The following ADAMTS12 variants were observed in gnomAD, a reference collection of about 807,000 sequenced individuals.
ADAMTS12 encodes the protein ADAM metallopeptidase with thrombospondin type 1 motif 12.
ADAMTS12 carries 118 observed loss-of-function variants against 167.8 expected under a neutral mutation model. The observed-to-expected ratio is 0.70, with a 90% CI of 0.61 to 0.82. The LOEUF (loss-of-function observed/expected upper bound fraction) is 0.82. Ranked by LOEUF, ADAMTS12 falls within the 40% of genes least tolerant of loss-of-function variation. The pLI is 0.00. For missense variants in ADAMTS12, 1,916 were observed against 1,998.8 expected (o/e 0.96, Z 0.79); for synonymous variants, 704 against 716.9 (o/e 0.98, Z 0.29).
At chr5:33,780,110 CA>C (rs1195018689) in intron 2 of ADAMTS12, among the ~76,000 whole-genome samples, 2 of 151,948 alleles carry the variant, frequency 1.3e-5, no homozygotes, top group East Asian at 3.9e-4. Flanking sequence ...GTTTATTTGT[CA>C]AAAAACTTCA....
At chr5:33,718,074 C>T (rs1287262707) in intron 3 of ADAMTS12, among the ~76,000 whole-genome samples, 1 of 152,320 alleles carries the variant, frequency 6.6e-6, no homozygotes, top group East Asian at 1.9e-4. Context: ...GAATACTGTG[C>T]TATCTGAGCT....
chr5:33,819,039 C>T (rs1375978976), intron 2 of ADAMTS12, among the ~76,000 whole-genome samples: 3 of 151,836 alleles, frequency 2.0e-5, no homozygotes, highest in African/African-American at 7.3e-5. Flanking sequence ...TGTAGGTTGC[C>T]TTTTCATTTT....
chr5:33,806,719 T>C (rs1019958847), intron 2 of ADAMTS12, among the ~76,000 whole-genome samples: 4 of 150,936 alleles, frequency 2.7e-5, no homozygotes, highest in African/African-American at 5.0e-5. Context: ...TACTCTAGAA[T>C]TTAGTGGGGA....
At chr5:33,739,872 A>G (rs879638825) in intron 3 of ADAMTS12, among the ~76,000 whole-genome samples, 3 of 152,150 alleles carry the variant, frequency 2.0e-5, no homozygotes, top group African/African-American at 7.2e-5. Flanking sequence ...TGTCAGGGTT[A>G]CCAGAAAGAT....
intron 20 of ADAMTS12, among the ~76,000 whole-genome samples, chr5:33,553,714 A>T (rs1045313982): frequency 3.2e-4 from 48 of 152,148 alleles, no homozygotes; most frequent in African/African-American, 1.1e-3. Flanking sequence ...GGCCTAACAG[A>T]GGGTGGAGTG....
At chr5:33,537,302 C>T (rs745372714) in intron 22 of ADAMTS12, among the ~76,000 whole-genome samples, 20 of 152,068 alleles carry the variant, frequency 1.3e-4, no homozygotes, top group Non-Finnish European at 2.2e-4. Flanking sequence ...GAAAAAATGA[C>T]CTTGAAGTAT....
At position 33,561,101 on chromosome 5, in the gene ADAMTS12, T is replaced by C; in HGVS notation, c.4051A>G (p.Ile1351Val). ...STQMDSDCAA[I>V]QRPDPAKRCH... ...CTTTTTGCAGGGTCAGGTCTCTGGA[T>C]GGCCGCACAGTCAGAATCCATCTGG... The change falls in exon 20 of 24, where the codon ATC becomes GTC. Residue 1351 changes from isoleucine to valine, a missense_variant. Physicochemically the swap from Ile to Val is conservative, Grantham distance 29. Coordinates refer to ENST00000504830, the MANE Select transcript of ADAMTS12 (RefSeq NM_030955.4). The C allele has an allele frequency of 6.2e-7, 1 of 1,614,162 alleles. No individual in the cohort carries two copies.
intron 2 of ADAMTS12, among the ~76,000 whole-genome samples, chr5:33,775,519 G>T (rs555344666): frequency 5.3e-4 from 80 of 152,276 alleles, no homozygotes; most frequent in African/African-American, 1.9e-3. Flanking sequence ...TCTGGAGAGT[G>T]ATATGAACAA....
rs1056126991 is a variant in ADAMTS12 at position 33,525,701 on chromosome 5, T to G, written c.*1487A>C. On this transcript the variant is annotated 3_prime_UTR_variant, in exon 24 of 24. Transcript: ENST00000504830. Reference sequence around the variant, plus strand: ...ATTGTGTTCCATGAGGAGTATTAAGTGTATCTGTGCATGAGTCAGAAAATA... The same window carrying G: ...ATTGTGTTCCATGAGGAGTATTAAGGGTATCTGTGCATGAGTCAGAAAATA... 2.6e-5 allele frequency: 4 copies of G among 152,190 alleles called. No homozygotes were observed. Among genetic ancestry groups the G allele is most frequent in the Admixed American group, 1.3e-4 (2 of 15,280 alleles). The allele number at this position is 152,190 out of a possible 1,614,324, so 9.4% of individuals were successfully genotyped here. A position where few individuals can be genotyped will look rare whatever the true frequency, so the allele number is the denominator to read the frequency against.
intron 14 of ADAMTS12, among the ~76,000 whole-genome samples, chr5:33,618,881 A>G (rs900910431): frequency 6.6e-6 from 1 of 152,216 alleles, no homozygotes; most frequent in Admixed American, 6.5e-5. Context: ...GGACAATGGC[A>G]TCTTCAACGT....
intron 19 of ADAMTS12, among the ~76,000 whole-genome samples, chr5:33,565,708 T>C (rs1045630995): frequency 9.3e-5 from 14 of 150,676 alleles, no homozygotes; most frequent in African/African-American, 3.2e-4. Context: ...CTATAATGTG[T>C]TCAATAAGAC....
At chr5:33,873,073 G>A (rs866014758) in intron 2 of ADAMTS12, among the ~76,000 whole-genome samples, 37 of 150,534 alleles carry the variant, frequency 2.5e-4, no homozygotes, top group Admixed American at 4.0e-4. Flanking sequence ...GTTCTAGGTA[G>A]TACAATAAAA....
At chr5:33,563,261 C>A (rs1197967241) in intron 19 of ADAMTS12, among the ~76,000 whole-genome samples, 1 of 152,138 alleles carries the variant, frequency 6.6e-6, no homozygotes, top group Non-Finnish European at 1.5e-5. Context: ...TTCCTTAAAC[C>A]CATGCTCTTT....
chr5:33,770,724 G>C (rs1745705025), intron 2 of ADAMTS12, among the ~76,000 whole-genome samples: 1 of 151,480 alleles, frequency 6.6e-6, no homozygotes, highest in Non-Finnish European at 1.5e-5. Flanking sequence ...GTCCTTCCCT[G>C]ACCACACAAC....
chr5:33,559,124 G>T (rs910089481), intron 20 of ADAMTS12, among the ~76,000 whole-genome samples: 2 of 152,164 alleles, frequency 1.3e-5, no homozygotes, highest in Admixed American at 1.3e-4. Flanking sequence ...GGTCCTGTCT[G>T]TCTGGGGACA....
chr5:33,631,127 T>A (rs1228214064), intron 12 of ADAMTS12, among the ~76,000 whole-genome samples: 1 of 152,172 alleles, frequency 6.6e-6, no homozygotes, highest in African/African-American at 2.4e-5. Flanking sequence ...TCAAAACAAG[T>A]TTCATAATGA....
chr5:33,828,864 T>G (rs928265135), intron 2 of ADAMTS12, among the ~76,000 whole-genome samples: 1 of 152,208 alleles, frequency 6.6e-6, no homozygotes, highest in African/African-American at 2.4e-5. Flanking sequence ...TCTGTCGCAG[T>G]AGATTCTGCC....
chr5:33,711,755 A>T (rs1743411860), intron 3 of ADAMTS12, among the ~76,000 whole-genome samples: 1 of 152,178 alleles, frequency 6.6e-6, no homozygotes, highest in Non-Finnish European at 1.5e-5. Flanking sequence ...TTCAAACTCA[A>T]AGATACAATT....
At chr5:33,629,353 G>A (rs1352074618) in intron 13 of ADAMTS12, among the ~76,000 whole-genome samples, 1 of 145,002 alleles carries the variant, frequency 6.9e-6, no homozygotes, top group East Asian at 2.0e-4. Context: ...TTTGTCCAGT[G>A]GAAAAACATA....
Sources: allele counts gnomAD v4.1 joint callset (sites outside exome capture counted in the v4.1 genomes callset), GRCh38; gene constraint gnomAD v4.1.1; transcripts MANE v1.5; gene names NCBI Gene and HGNC (gene_info 2026-07-23, HGNC 2026-07-21).